Variants in SRRM3 observed in about 807,000 individuals in gnomAD.
The protein encoded by SRRM3 is serine/arginine repetitive matrix protein 3.
A neutral mutation model predicts 66.2 loss-of-function variants in SRRM3; 27 were observed. The ratio of observed to expected loss-of-function variants is 0.41; its 90% CI spans 0.30 to 0.56. SRRM3 has a LOEUF of 0.56. Among genes scored for constraint, SRRM3 ranks in the 20% least tolerant of loss-of-function variants. The pLI, the probability that SRRM3 is intolerant of heterozygous loss-of-function variation, is 0.32. For synonymous variants in SRRM3, 391 were observed against 414.9 expected, an observed-to-expected ratio of 0.94 and a Z score of 0.70; for missense variants, 918 against 991.9, an observed-to-expected ratio of 0.93 and a Z score of 1.00.
In SRRM3 at chr7:76,283,048, C is replaced by T. The variant is rs376898727; in HGVS notation, c.1680C>T (p.Ile560=). ...ARRRSRSYSP[I]RKRRRDSPSF... ...GCCGCTCCCGCAGCTACTCGCCCAT[C>T]CGCAAGCGGCGCCGGGACTCGCCAA... Residue 560 remains isoleucine (I), a synonymous_variant, in exon 14 of 15, where the codon ATC becomes ATT. Transcript: ENST00000611745. The T allele has an allele frequency of 1.7e-3, 2,561 of 1,496,002 alleles. 69 individuals are homozygous for T. In the South Asian group the frequency reaches 0.028, roughly 16 times the overall value. The allele number at this position is 1,496,002 out of a possible 1,614,324, so 92.7% of individuals were successfully genotyped here.
At chr7:76,241,832 A>C (rs1305117467) in intron 2 of SRRM3, among the ~76,000 whole-genome samples, 1 of 152,204 alleles carries the variant, frequency 6.6e-6, no homozygotes, top group African/African-American at 2.4e-5. Context: ...AGCACCTACT[A>C]TATGCCAGGC....
chr7:76,210,063 GTGTC>G (rs1434164848), intron 1 of SRRM3, among the ~76,000 whole-genome samples: 1 of 152,212 alleles, frequency 6.6e-6, no homozygotes, highest in Non-Finnish European at 1.5e-5. Flanking sequence ...GGTCAGGGAG[GTGTC>G]TGTCTGCCTA....
chr7:76,275,371 C>T (rs1401510359), intron 11 of SRRM3, among the ~76,000 whole-genome samples: 6 of 151,758 alleles, frequency 4.0e-5, no homozygotes, highest in African/African-American at 1.5e-4. Context: ...CACCTGTAGT[C>T]CCAGCTACTC....
Position 76,265,807 on chromosome 7 carries a change from T to TA in SRRM3, c.830+339_830+340insA, listed in dbSNP as rs1253153256. 9.6e-5 allele frequency among the ~76,000 whole-genome samples: 8 copies of TA among 83,008 alleles called. No homozygotes were observed. In the East Asian group the frequency reaches 1.7e-3, roughly 18 times the overall value. 54.5% of individuals were successfully genotyped at this position (83,008 alleles called of 152,430 possible). On this transcript the variant is annotated intron_variant, in intron 10 of 14. Transcript: ENST00000611745. ...TATTTATATATTTAATATTTATATA[T>TA]TTTATATATTTAATAAATATTTATA...
intron 14 of SRRM3, chr7:76,283,680 G>A (rs1802590254): frequency 2.7e-6 from 2 of 739,008 alleles, no homozygotes; most frequent in Admixed American, 4.8e-5. Flanking sequence ...TTTGGAGGAG[G>A]GGGCACAGCA....
Position 76,281,674 on chromosome 7 carries a change from GC to G in SRRM3, c.1249del (p.Arg417GlyfsTer182). 4 of 991,774 alleles carry G rather than the reference GC, an allele frequency of 4.0e-6. No individual in the cohort carries two copies. The highest frequency in any genetic ancestry group is 3.6e-6 in the Non-Finnish European group (3 of 834,620). The allele number at this position is 991,774 out of a possible 1,614,324, so 61.4% of individuals were successfully genotyped here. A position where few individuals can be genotyped will look rare whatever the true frequency, so the allele number is the denominator to read the frequency against. ...RRGRRRPRPA[P>X]PRGSSRSLSR... ...GGGGTCGCCGGCGCCCCCGGCCCGC[GC>G]CCCCCCGGGGCTCGTCGCGCTCGCT... On this transcript the variant is annotated frameshift_variant, in exon 12 of 15. Transcript: ENST00000611745. LOFTEE classifies it high-confidence loss of function.
At position 76,235,018 on chromosome 7, in the gene SRRM3, T is replaced by C; in HGVS notation, c.-39-10T>C. ...GACCATCCCGCCTCGTGTCTGTGTCTGTCCCTCAGGGCCAGCGGCCCAGGC... is the reference window on the plus strand; with the variant it reads ...GACCATCCCGCCTCGTGTCTGTGTCCGTCCCTCAGGGCCAGCGGCCCAGGC... On this transcript the variant is annotated splice_polypyrimidine_tract_variant and intron_variant, in intron 1 of 14. Transcript: ENST00000611745. The C allele has an allele frequency of 6.8e-7, 1 of 1,470,168 alleles. No homozygotes were observed. Among genetic ancestry groups the C allele is most frequent in the East Asian group, 2.5e-5 (1 of 39,886 alleles). 91.1% of individuals were successfully genotyped at this position (1,470,168 alleles called of 1,614,324 possible).
chr7:76,283,464 T>TCCCCCCCCCCCC, intron 14 of SRRM3: 1 of 254,198 alleles, frequency 3.9e-6, no homozygotes, highest in South Asian at 3.1e-5. Context: ...CCGGAGCCCC[T>TCCCCCCCCCCCC]CCCGCCCTCC....
At chr7:76,213,544 G>A (rs149422597) in intron 1 of SRRM3, among the ~76,000 whole-genome samples, 5 of 152,220 alleles carry the variant, frequency 3.3e-5, no homozygotes, top group African/African-American at 1.2e-4. Context: ...TGTTCTTTAA[G>A]GGCAGGGACC....
intron 1 of SRRM3, among the ~76,000 whole-genome samples, chr7:76,233,701 G>A (rs938000530): frequency 6.6e-6 from 1 of 152,202 alleles, no homozygotes; most frequent in Non-Finnish European, 1.5e-5. Context: ...CCAGGAACAG[G>A]TGGAAATCAG....
chr7:76,272,408 A>C (rs192649353), intron 11 of SRRM3, among the ~76,000 whole-genome samples: 4 of 151,560 alleles, frequency 2.6e-5, no homozygotes, highest in African/African-American at 7.3e-5. Context: ...CAAAAAAAAA[A>C]TTTTTTTTAA....
At chr7:76,212,884 C>T (rs1202576678) in intron 1 of SRRM3, among the ~76,000 whole-genome samples, 2 of 152,090 alleles carry the variant, frequency 1.3e-5, no homozygotes, top group African/African-American at 2.4e-5. Context: ...CCTCCCTCTT[C>T]CTCTACCTCC....
In SRRM3 at chr7:76,282,642, C is replaced by T. The variant is rs782222045; in HGVS notation, c.1371-6C>T. ...AGCCCTATCCCGCGCCGTCTCCCTC[C>T]TCCAGGGCCAAGGAGCGGCCCCCGC... is the stretch of plus-strand genomic sequence containing the variant. On this transcript the variant is annotated splice_polypyrimidine_tract_variant and splice_region_variant and intron_variant, in intron 12 of 14. Coordinates refer to ENST00000611745, the MANE Select transcript of SRRM3 (RefSeq NM_001110199.3). The T allele has an allele frequency of 1.4e-6, 2 of 1,416,722 alleles. No individual in the cohort carries two copies. The highest frequency in any genetic ancestry group is 1.5e-5 in the South Asian group (1 of 67,964). 87.8% of individuals were successfully genotyped at this position (1,416,722 alleles called of 1,614,324 possible). A position where few individuals can be genotyped will look rare whatever the true frequency, so the allele number is the denominator to read the frequency against.
intron 3 of SRRM3, among the ~76,000 whole-genome samples, chr7:76,254,509 G>A: frequency 6.6e-6 from 1 of 152,098 alleles, no homozygotes; most frequent in Non-Finnish European, 1.5e-5. Flanking sequence ...GTAGAGATGG[G>A]GTTTCACCAT....
chr7:76,281,308 C>A, intron 11 of SRRM3, 133 bp from the exon 12 acceptor site: 1 of 582,688 alleles, frequency 1.7e-6, no homozygotes, highest in Non-Finnish European at 2.4e-6. Flanking sequence ...TCCCTCTTTC[C>A]TCTTTCTGTC....
intron 10 of SRRM3, 135 bp downstream of exon 10, chr7:76,265,603 C>T (rs368389605): frequency 5.0e-5 from 34 of 679,482 alleles, no homozygotes; most frequent in East Asian, 2.0e-4. Context: ...TCAGGGGTAG[C>T]CAGGTGTGGT....
chr7:76,283,045 C>T lies in SRRM3; in HGVS notation c.1677C>T (p.Pro559=). 2 of 1,496,542 alleles carry T rather than the reference C, an allele frequency of 1.3e-6. 1 individual carries two copies. Among genetic ancestry groups the T allele is most frequent in the South Asian group, 2.5e-5 (2 of 78,678 alleles). The allele number at this position is 1,496,542 out of a possible 1,614,324, so 92.7% of individuals were successfully genotyped here. ...GGCGCCGCTCCCGCAGCTACTCGCC[C>T]ATCCGCAAGCGGCGCCGGGACTCGC... The part of the protein sequence containing the change: ...RARRRSRSYS[P]IRKRRRDSPS... The change falls in exon 14 of 15, where the codon CCC becomes CCT. Residue 559 remains proline, a synonymous_variant. Transcript: ENST00000611745.
At chr7:76,248,774 T>C (rs1801502407) in intron 3 of SRRM3, among the ~76,000 whole-genome samples, 1 of 151,812 alleles carries the variant, frequency 6.6e-6, no homozygotes, top group Admixed American at 6.6e-5. Context: ...AGGTCAGGAG[T>C]TCGAGACCAG....
In SRRM3 at chr7:76,281,511, G is replaced by A; in HGVS notation, c.1079G>A (p.Gly360Glu). The change falls in exon 12 of 15, where the codon GGG becomes GAG. Residue 360 changes from glycine to glutamate, a missense_variant. Transcript: ENST00000611745. ...GCCGCACCCACGCCGCCCGCGCGGG[G>A]GAAGGAGAGCCCGAGCCCGCGCTCG... ...AAAAPTPPAR[G>E]KESPSPRSAP... 8.3e-7 allele frequency: 1 copy of A among 1,210,424 alleles called. No homozygotes were observed. The highest frequency in any genetic ancestry group is 1.0e-6 in the Non-Finnish European group (1 of 971,548). 75.0% of individuals were successfully genotyped at this position (1,210,424 alleles called of 1,614,324 possible).
Sources: gnomAD v4.1 joint callset for allele counts (sites outside exome capture counted in the v4.1 genomes callset) on GRCh38, gnomAD v4.1.1 for gene constraint, MANE v1.5 for transcripts, NCBI Gene and HGNC (gene_info 2026-07-23, HGNC 2026-07-21) for gene names.